Variants in LMNTD1 observed in about 807,000 individuals in gnomAD.
The protein encoded by LMNTD1 is lamin tail domain-containing protein 1.
In LMNTD1, 35 loss-of-function variants were observed where a neutral mutation model predicts 50.9. That is an observed-to-expected ratio of 0.69 (90% CI 0.53 to 0.91). The LOEUF (loss-of-function observed/expected upper bound fraction) is 0.91. LMNTD1 is among the 40% of genes least tolerant of loss of function. The pLI is 0.00. For synonymous variants in LMNTD1, 153 were observed against 161.9 expected, an observed-to-expected ratio of 0.94 and a Z score of 0.42; for missense variants, 470 against 475.5, an observed-to-expected ratio of 0.99 and a Z score of 0.11.
At chr12:25,531,322 G>T (rs963500800) in intron 4 of LMNTD1, among the ~76,000 whole-genome samples, 1 of 152,194 alleles carries the variant, frequency 6.6e-6, no homozygotes, top group Non-Finnish European at 1.5e-5. Context: ...GTGGTAATTT[G>T]TTATGGCAGC....
intron 1 of LMNTD1, among the ~76,000 whole-genome samples, chr12:25,595,398 A>G (rs112553951): frequency 0.023 from 3,525 of 152,266 alleles, 108 homozygotes; most frequent in African/African-American, 0.073. Flanking sequence ...CCACAGTGGA[A>G]TACAACTGGA....
intron 1 of LMNTD1, among the ~76,000 whole-genome samples, chr12:25,591,811 CAGAGAGAGAGAGAGAGAGAGAGAG>C (rs58392351): frequency 5.6e-4 from 50 of 90,090 alleles, no homozygotes; most frequent in African/African-American, 1.7e-3. Context: ...TAGCTCAGAA[CAGAGAGAGAGAGAGAGAGAGAGAG>C]AGAGAGAGAG....
intron 9 of LMNTD1, among the ~76,000 whole-genome samples, chr12:25,487,763 C>T (rs1253748274): frequency 3.2e-4 from 34 of 106,570 alleles, no homozygotes; most frequent in East Asian, 7.1e-4. Flanking sequence ...GATTTTGCAG[C>T]GGCTGGTACC....
chr12:25,570,954 A>G (rs967917600), intron 1 of LMNTD1, among the ~76,000 whole-genome samples: 4 of 152,196 alleles, frequency 2.6e-5, no homozygotes, highest in African/African-American at 9.7e-5. Flanking sequence ...GTAAATGCTG[A>G]GCAGCCTTAA....
At position 25,546,359 on chromosome 12, in the gene LMNTD1, A is replaced by C; in HGVS notation, c.491+15T>G. 6.5e-7 allele frequency: 1 copy of C among 1,536,450 alleles called. No individual in the cohort carries two copies. Among genetic ancestry groups the C allele is most frequent in the Non-Finnish European group, 8.8e-7 (1 of 1,133,704 alleles). Reference sequence around the variant, plus strand: ...CCCGACAGAAGATACTAAGTAGTTCAAATAAAATATGTACCTGGAGGTAAA... The same window carrying C: ...CCCGACAGAAGATACTAAGTAGTTCCAATAAAATATGTACCTGGAGGTAAA... On this transcript the variant is annotated intron_variant, in intron 4 of 9. Coordinates refer to ENST00000458174, the MANE Select transcript of LMNTD1 (RefSeq NM_001145728.2).
chr12:25,561,858 T>C (rs188601436), intron 1 of LMNTD1, among the ~76,000 whole-genome samples: 1 of 152,258 alleles, frequency 6.6e-6, no homozygotes, highest in East Asian at 1.9e-4. Context: ...AGGTTAGCTC[T>C]TCTTGTTGAA....
chr12:25,566,637 C>A (rs539227863), intron 1 of LMNTD1, among the ~76,000 whole-genome samples: 4 of 152,188 alleles, frequency 2.6e-5, no homozygotes, highest in Admixed American at 6.5e-5. Flanking sequence ...CCAACGAACA[C>A]CAGTGTAAAA....
At chr12:25,563,115 C>T (rs1030924045) in intron 1 of LMNTD1, among the ~76,000 whole-genome samples, 1 of 151,824 alleles carries the variant, frequency 6.6e-6, no homozygotes, top group East Asian at 1.9e-4. Flanking sequence ...TTTGTTATTA[C>T]CAATCATCTG....
At chr12:25,493,696 T>C (rs1465973042) in intron 9 of LMNTD1, among the ~76,000 whole-genome samples, 1 of 152,158 alleles carries the variant, frequency 6.6e-6, no homozygotes, top group East Asian at 1.9e-4. Flanking sequence ...AAAGTAGTAA[T>C]TGGTTGGCAA....
At chr12:25,603,444 T>A (rs554784033) in intron 1 of LMNTD1, among the ~76,000 whole-genome samples, 122 of 152,148 alleles carry the variant, frequency 8.0e-4, no homozygotes, top group African/African-American at 2.8e-3. Flanking sequence ...CAATTTGACA[T>A]TGGTATATCT....
intron 8 of LMNTD1, among the ~76,000 whole-genome samples, chr12:25,516,139 T>C (rs890086841): frequency 1.2e-4 from 18 of 152,156 alleles, no homozygotes; most frequent in African/African-American, 4.3e-4. Flanking sequence ...ATTCATAACA[T>C]CTGTTTCTTT....
intron 1 of LMNTD1, among the ~76,000 whole-genome samples, chr12:25,613,408 G>T (rs1946289288): frequency 6.6e-6 from 1 of 152,122 alleles, no homozygotes; most frequent in Non-Finnish European, 1.5e-5. Context: ...CTGGGCCTTG[G>T]TTTCCTGAGG....
chr12:25,579,525 T>C (rs1241171343), intron 1 of LMNTD1, among the ~76,000 whole-genome samples: 2 of 152,124 alleles, frequency 1.3e-5, no homozygotes, highest in Non-Finnish European at 2.9e-5. Context: ...GACTAATAAA[T>C]AGGGCAGGTG....
intron 1 of LMNTD1, among the ~76,000 whole-genome samples, chr12:25,643,928 T>A (rs1282055764): frequency 6.6e-6 from 1 of 152,106 alleles, no homozygotes; most frequent in Non-Finnish European, 1.5e-5. Context: ...AGACTGCACA[T>A]AGATTTAGAA....
intron 1 of LMNTD1, among the ~76,000 whole-genome samples, chr12:25,606,518 T>C (rs1038468903): frequency 6.6e-6 from 1 of 152,200 alleles, no homozygotes; most frequent in African/African-American, 2.4e-5. Flanking sequence ...CAATACCTAA[T>C]TTATTGAGAG....
At chr12:25,480,501 G>A (rs973739927) in intron 9 of LMNTD1, among the ~76,000 whole-genome samples, 2 of 152,166 alleles carry the variant, frequency 1.3e-5, no homozygotes, top group Non-Finnish European at 2.9e-5. Flanking sequence ...CTATGCTGTA[G>A]TCAAAAAGGT....
intron 4 of LMNTD1, 114 bp downstream of exon 4, chr12:25,546,260 A>G: frequency 2.0e-6 from 1 of 510,748 alleles, no homozygotes; most frequent in East Asian, 3.2e-5. Flanking sequence ...CAATGAACTG[A>G]TTAGTGTTTT....
At chr12:25,599,640 A>G (rs1945919047) in intron 1 of LMNTD1, among the ~76,000 whole-genome samples, 1 of 152,048 alleles carries the variant, frequency 6.6e-6, no homozygotes. Context: ...AATCAGTAAC[A>G]TTTTCATATG....
intron 1 of LMNTD1, among the ~76,000 whole-genome samples, chr12:25,625,340 T>C (rs1946565183): frequency 6.6e-6 from 1 of 152,186 alleles, no homozygotes; most frequent in Admixed American, 6.5e-5. Context: ...AACTCATTAG[T>C]ACCAGATGGT....
Sources: gnomAD v4.1 joint callset for allele counts (sites outside exome capture counted in the v4.1 genomes callset) on GRCh38, gnomAD v4.1.1 for gene constraint, MANE v1.5 for transcripts, NCBI Gene and HGNC (gene_info 2026-07-23, HGNC 2026-07-21) for gene names.